Variants in RELN observed in about 807,000 individuals in gnomAD.
RELN encodes the protein reelin.
RELN carries 108 observed loss-of-function variants against 427.6 expected under a neutral mutation model. The observed-to-expected ratio is 0.25, with a 90% CI of 0.22 to 0.30. The LOEUF (loss-of-function observed/expected upper bound fraction) is 0.30. RELN is among the 10% of genes least tolerant of loss of function. The probability of loss-of-function intolerance (pLI) is 1.00; values close to 1 mark genes in which losing one functional copy is unlikely to be tolerated. For missense variants in RELN, 3,715 were observed against 4,302.8 expected (o/e 0.86, Z 3.82); for synonymous variants, 1,524 against 1,513.4 (o/e 1.01, Z -0.16).
At chr7:103,896,097 T>C (rs1285754687) in intron 2 of RELN, among the ~76,000 whole-genome samples, 6 of 152,090 alleles carry the variant, frequency 3.9e-5, no homozygotes, top group Admixed American at 6.6e-5. Flanking sequence ...TCAATAGTTA[T>C]CTGGGAAATG....
At chr7:103,571,624 ATTAC>A in intron 31 of RELN, among the ~76,000 whole-genome samples, 1 of 152,200 alleles carries the variant, frequency 6.6e-6, no homozygotes, top group East Asian at 1.9e-4. Context: ...AACTAATTAT[ATTAC>A]TTATGGCAAA....
At position 103,841,328 on chromosome 7, in the gene RELN, G is replaced by A. The variant is rs1328298143; in HGVS notation, c.338-7656C>T. Among the ~76,000 whole-genome samples, 3 of 152,118 alleles carry A rather than the reference G, an allele frequency of 2.0e-5. No individual in the cohort carries two copies. The East Asian group carries it at 5.8e-4, about 29-fold the overall frequency. On this transcript the variant is annotated intron_variant, in intron 2 of 64. Transcript: ENST00000428762. ...GCCATGATTCCTTTAATAAAGTATG[G>A]ATGTTTTAAAATCATTGTCATACAA...
chr7:103,833,033 T>C (rs1346034512), intron 3 of RELN, among the ~76,000 whole-genome samples: 1 of 152,176 alleles, frequency 6.6e-6, no homozygotes, highest in East Asian at 1.9e-4. Flanking sequence ...AATGTGATAT[T>C]TTCATATATG....
chr7:103,575,766 T>A, intron 28 of RELN, 61 bp from the exon 29 acceptor site: 1 of 1,590,810 alleles, frequency 6.3e-7, no homozygotes, highest in Non-Finnish European at 8.6e-7. Flanking sequence ...AGCATTGGAA[T>A]ATAGAAAAAT....
At chr7:103,613,302 A>T (rs1832004861) in intron 20 of RELN, among the ~76,000 whole-genome samples, 1 of 152,128 alleles carries the variant, frequency 6.6e-6, no homozygotes, top group African/African-American at 2.4e-5. Flanking sequence ...GTTTGGAATA[A>T]TTTTTTTAAT....
intron 6 of RELN, among the ~76,000 whole-genome samples, chr7:103,731,587 A>G (rs535288338): frequency 5.3e-4 from 80 of 152,242 alleles, no homozygotes; most frequent in African/African-American, 1.9e-3. Flanking sequence ...CAGAATTGGG[A>G]GTCAAACTCT....
At chr7:103,766,080 C>A (rs1791418835) in intron 4 of RELN, among the ~76,000 whole-genome samples, 1 of 152,154 alleles carries the variant, frequency 6.6e-6, no homozygotes, top group Non-Finnish European at 1.5e-5. Flanking sequence ...CCTGCCATAG[C>A]CCCAGGAGGG....
intron 4 of RELN, among the ~76,000 whole-genome samples, chr7:103,754,737 T>C (rs1791091019): frequency 6.6e-6 from 1 of 151,950 alleles, no homozygotes; most frequent in Non-Finnish European, 1.5e-5. Flanking sequence ...AAATGCAACA[T>C]CACACTCCAG....
At position 103,988,465 on chromosome 7, in the gene RELN, C is replaced by T. The variant is rs1219695126; in HGVS notation, c.226+666G>A. Among the ~76,000 whole-genome samples the T allele has an allele frequency of 6.6e-6, 1 of 152,158 alleles. No homozygotes were observed. The highest frequency in any genetic ancestry group is 1.5e-5 in the Non-Finnish European group (1 of 68,020). On this transcript the variant is annotated intron_variant, in intron 1 of 64. Transcript: ENST00000428762. This position sits in a 1 kb window ranked among gnomAD's most constrained non-coding sequence, Gnocchi z 4.9. ...ATAAACATCACAAAGATAATTCTAA[C>T]AAGAAGCACCATGTAAAAGTAAGGC...
At chr7:103,671,137 T>C (rs1331766967) in intron 11 of RELN, among the ~76,000 whole-genome samples, 2 of 152,072 alleles carry the variant, frequency 1.3e-5, no homozygotes, top group Admixed American at 1.3e-4. Flanking sequence ...ATTCATGAGG[T>C]TTATCTCTAG....
intron 61 of RELN, 152 bp downstream of exon 61, chr7:103,486,045 A>T (rs1828428113): frequency 4.3e-6 from 3 of 693,272 alleles, no homozygotes; most frequent in Non-Finnish European, 7.6e-6. Flanking sequence ...TGTGAAACAT[A>T]TATGCTTCCT....
intron 62 of RELN, 142 bp downstream of exon 62, chr7:103,483,511 G>A (rs2116977543): frequency 1.2e-6 from 1 of 852,118 alleles, no homozygotes; most frequent in African/African-American, 1.7e-5. Context: ...TGGAGATCTG[G>A]GTTAGTCTTC....
intron 2 of RELN, among the ~76,000 whole-genome samples, chr7:103,835,021 C>A (rs1793365076): frequency 6.6e-6 from 1 of 152,148 alleles, no homozygotes; most frequent in South Asian, 2.1e-4. Context: ...CAGCTTTATT[C>A]ATAATTGCCA....
chr7:103,567,427 T>A (rs972675235), intron 31 of RELN, among the ~76,000 whole-genome samples: 2 of 152,178 alleles, frequency 1.3e-5, no homozygotes, highest in Admixed American at 1.3e-4. Context: ...GGACTGCACA[T>A]TAAAGTGTAA....
chr7:103,497,815 C>A lies in RELN; in HGVS notation c.8950+5G>T, dbSNP rs1465152493. 1 of 1,613,404 alleles carries A rather than the reference C, an allele frequency of 6.2e-7. No homozygotes were observed. The highest frequency in any genetic ancestry group is 1.7e-5 in the Admixed American group (1 of 60,004). On this transcript the variant is annotated splice_donor_5th_base_variant and intron_variant, in intron 55 of 64. Transcript: ENST00000428762. ...CAAGGGGTGGTTTTCACCCCTGACACATGCCTCCATCGGTAGAGTAGTCCA... is the reference window on the plus strand; with the variant it reads ...CAAGGGGTGGTTTTCACCCCTGACAAATGCCTCCATCGGTAGAGTAGTCCA...
At chr7:103,595,362 T>C (rs527923669) in intron 25 of RELN, among the ~76,000 whole-genome samples, 1 of 152,320 alleles carries the variant, frequency 6.6e-6, no homozygotes, top group African/African-American at 2.4e-5. Flanking sequence ...ATGATATCTC[T>C]CGTTTCATCC....
At chr7:103,693,710 G>T (rs1484917186) in intron 10 of RELN, among the ~76,000 whole-genome samples, 10 of 152,098 alleles carry the variant, frequency 6.6e-5, no homozygotes, top group Admixed American at 6.6e-4. Context: ...AAGCATGGAG[G>T]CAGCATAATG....
chr7:103,812,528 G>C (rs1367474096), intron 3 of RELN, among the ~76,000 whole-genome samples: 1 of 152,214 alleles, frequency 6.6e-6, no homozygotes, highest in Non-Finnish European at 1.5e-5. Context: ...TCATGCACTT[G>C]TTCAGACAGG....
chr7:103,972,207 G>A (rs1490989163), intron 1 of RELN, among the ~76,000 whole-genome samples: 1 of 152,240 alleles, frequency 6.6e-6, no homozygotes, highest in Admixed American at 6.5e-5. Context: ...AAACAAAGGT[G>A]TAGCTCTGTA....
Sources: allele counts gnomAD v4.1 joint callset (sites outside exome capture counted in the v4.1 genomes callset), GRCh38; gene constraint gnomAD v4.1.1; non-coding constraint Gnocchi (gnomAD v3.1); transcripts MANE v1.5; gene names NCBI Gene and HGNC (gene_info 2026-07-23, HGNC 2026-07-21).